TRPM4: variants seen among roughly 807,000 people sequenced by gnomAD.
The protein encoded by TRPM4 is calcium-activated non-selective cation channel 1.
A neutral mutation model predicts 135.6 loss-of-function variants in TRPM4; 124 were observed. The ratio of observed to expected loss-of-function variants is 0.91; its 90% CI spans 0.79 to 1.06. The LOEUF (loss-of-function observed/expected upper bound fraction) is 1.06. Ranked by LOEUF, TRPM4 falls within the 50% of genes least tolerant of loss-of-function variation. TRPM4 has a pLI of 0.00. For missense variants in TRPM4, 1,658 were observed against 1,671.4 expected (o/e 0.99, Z 0.14); for synonymous variants, 745 against 705.6 (o/e 1.06, Z -0.88).
chr19:49,164,450 C>T (rs570053910), intron 2 of TRPM4, among the ~76,000 whole-genome samples: 1 of 123,428 alleles, frequency 8.1e-6, no homozygotes, highest in South Asian at 2.8e-4. Context: ...AGTGTGATGG[C>T]TCACTGCAAC....
At chr19:49,165,230 A>G (rs1205044091) in intron 2 of TRPM4, among the ~76,000 whole-genome samples, 1 of 152,102 alleles carries the variant, frequency 6.6e-6, no homozygotes, top group African/African-American at 2.4e-5. Flanking sequence ...ACAGAAGCCA[A>G]AGACAATGAA....
In TRPM4 at chr19:49,182,856, G is replaced by A; in HGVS notation, c.1542G>A (p.Met514Ile). ...GHVLRMLLGK[M>I]CAPRYPSGGA... ...TGCTGAGGATGCTGCTGGGGAAGATGTGCGCGCCGAGGTACCCCTCCGGGG... is the reference window on the plus strand; with the variant it reads ...TGCTGAGGATGCTGCTGGGGAAGATATGCGCGCCGAGGTACCCCTCCGGGG... The change falls in exon 11 of 25, where the codon ATG becomes ATA. Residue 514 changes from methionine (M) to isoleucine (I), a missense_variant. Coordinates refer to ENST00000252826, the MANE Select transcript of TRPM4 (RefSeq NM_017636.4). 2 of 1,610,992 alleles carry A rather than the reference G, an allele frequency of 1.2e-6. No homozygotes were observed. Among genetic ancestry groups the A allele is most frequent in the Non-Finnish European group, 1.7e-6 (2 of 1,178,568 alleles).
At chr19:49,168,524 A>G in intron 5 of TRPM4, 29 bp from the exon 6 acceptor site, 2 of 1,613,462 alleles carry the variant, frequency 1.2e-6, no homozygotes, top group Non-Finnish European at 1.7e-6. Context: ...CGATGAGGAG[A>G]CGCCCTGGTC....
chr19:49,177,838 C>G (rs1032662709), intron 9 of TRPM4, among the ~76,000 whole-genome samples: 3 of 152,188 alleles, frequency 2.0e-5, no homozygotes, highest in Non-Finnish European at 2.9e-5. Flanking sequence ...GTATAATTCT[C>G]AAGCCCATTG....
At chr19:49,209,350 ATTC>A (rs1287367145) in intron 20 of TRPM4, among the ~76,000 whole-genome samples, 1 of 152,174 alleles carries the variant, frequency 6.6e-6, no homozygotes, top group East Asian at 1.9e-4. Flanking sequence ...TGTTATTATA[ATTC>A]TTCTTTAAAT....
intron 6 of TRPM4, 122 bp downstream of exon 6, chr19:49,168,858 C>A: frequency 9.2e-7 from 1 of 1,088,786 alleles, no homozygotes. Flanking sequence ...GTGTCTTTCC[C>A]CGTCATTATT....
At chr19:49,165,985 AG>A in intron 2 of TRPM4, 55 bp from the exon 3 acceptor site, 1 of 1,523,884 alleles carries the variant, frequency 6.6e-7, no homozygotes, top group African/African-American at 1.4e-5. Flanking sequence ...ACACGCTGAC[AG>A]GGTGCTGGGG....
Position 49,171,344 on chromosome 19 carries a change from C to T in TRPM4, c.797-13C>T. 1 of 1,614,194 alleles carries T rather than the reference C, an allele frequency of 6.2e-7. No homozygotes were observed. The highest frequency in any genetic ancestry group is 8.5e-7 in the Non-Finnish European group (1 of 1,180,038). On this transcript the variant is annotated splice_polypyrimidine_tract_variant and intron_variant, in intron 6 of 24. Coordinates refer to ENST00000252826, the MANE Select transcript of TRPM4 (RefSeq NM_017636.4). The surrounding 1 kb of genome is among the most constrained non-coding windows in gnomAD (Gnocchi z 4.7). ...ATGGGAGGTAATCAAGCCCCCTTCT[C>T]TTCTTGCCTCAGGGACTGGAATTGA...
chr19:49,158,322 T>A, intron 2 of TRPM4, 63 bp downstream of exon 2: 1 of 1,489,962 alleles, frequency 6.7e-7, no homozygotes, highest in Non-Finnish European at 9.4e-7. Context: ...CGCCCGCGGA[T>A]GGTCACGCCC....
intron 10 of TRPM4, 44 bp downstream of exon 10, chr19:49,181,505 C>G: frequency 1.7e-6 from 2 of 1,186,428 alleles, no homozygotes; most frequent in East Asian, 2.4e-5. Context: ...GACAAAGGGA[C>G]TGTGCTGTCC....
intron 9 of TRPM4, among the ~76,000 whole-genome samples, chr19:49,177,015 C>T (rs993445629): frequency 2.0e-5 from 3 of 152,004 alleles, no homozygotes; most frequent in Non-Finnish European, 2.9e-5. Flanking sequence ...GAGTTGTGCC[C>T]GGTCCCGGTG....
rs373649726 is a variant in TRPM4, at chr19:49,171,546, C to A, written c.859-32C>A. ...AGGGTGAATATCCTGCCTTTTCTGA[C>A]GTGATGAATAAAGAATGCCTTTATC... On this transcript the variant is annotated intron_variant, in intron 7 of 24. Transcript: ENST00000252826. This position sits in a 1 kb window ranked among gnomAD's most constrained non-coding sequence, Gnocchi z 4.7. The A allele has an allele frequency of 6.2e-7, 1 of 1,613,254 alleles. No individual in the cohort carries two copies. The highest frequency in any genetic ancestry group is 8.5e-7 in the Non-Finnish European group (1 of 1,179,522).
rs532705997 is a variant in TRPM4, at chr19:49,201,011, T to C, written c.2953+226T>C. 1.1e-4 allele frequency among the ~76,000 whole-genome samples: 16 copies of C among 150,748 alleles called. No homozygotes were observed. The South Asian group carries it at 3.1e-3, about 30-fold the overall frequency. ...TGTCTTTCTTTTTTCTTTTTTTTTT[T>C]CTTTTTTTTTGAGATGGATGTTAGA... is the stretch of plus-strand genomic sequence containing the variant. On this transcript the variant is annotated intron_variant, in intron 19 of 24. Transcript: ENST00000252826.
chr19:49,198,086 G>A (rs1192552370), intron 17 of TRPM4, among the ~76,000 whole-genome samples: 1 of 152,040 alleles, frequency 6.6e-6, no homozygotes, highest in African/African-American at 2.4e-5. Context: ...CAGTAGACAC[G>A]CTGAGAGGCA....
chr19:49,163,002 T>A (rs972885719), intron 2 of TRPM4, among the ~76,000 whole-genome samples: 1 of 151,754 alleles, frequency 6.6e-6, no homozygotes, highest in Admixed American at 6.6e-5. Context: ...CCTCAGGTGA[T>A]CCGCCCACCT....
chr19:49,167,067 C>G (rs1555751276), intron 3 of TRPM4, among the ~76,000 whole-genome samples: 1 of 147,730 alleles, frequency 6.8e-6, no homozygotes, highest in Non-Finnish European at 1.5e-5. Context: ...GGTTTCTGTC[C>G]CCATCTCTCT....
chr19:49,210,786 A>T lies in TRPM4; in HGVS notation c.3405A>T (p.Ala1135=). The change falls in exon 22 of 25, where the codon GCA becomes GCT. Residue 1135 remains alanine (A), a synonymous_variant. Coordinates refer to ENST00000252826, the MANE Select transcript of TRPM4 (RefSeq NM_017636.4). This position sits in a 1 kb window ranked among gnomAD's most constrained non-coding sequence, Gnocchi z 4.1. Reference sequence around the variant, plus strand: ...TGCATAAGGAGAACTTTCTGCTGGCACGCGCTAGGGACAAGCGGGAGAGCG... The same window carrying T: ...TGCATAAGGAGAACTTTCTGCTGGCTCGCGCTAGGGACAAGCGGGAGAGCG... The part of the protein sequence containing the change: ...ESVHKENFLL[A]RARDKRESDS... 6.2e-7 allele frequency: 1 copy of T among 1,613,956 alleles called. No individual in the cohort carries two copies. The highest frequency in any genetic ancestry group is 8.5e-7 in the Non-Finnish European group (1 of 1,180,002).
At chr19:49,161,147 A>C (rs1337915391) in intron 2 of TRPM4, among the ~76,000 whole-genome samples, 3 of 152,002 alleles carry the variant, frequency 2.0e-5, no homozygotes, top group Non-Finnish European at 4.4e-5. Context: ...AGAATCTGAG[A>C]GGTCCGAGTT....
rs893456469 is a variant in TRPM4, at chr19:49,158,197, G to T, written c.30G>T (p.Trp10Cys). The change falls in exon 2 of 25, where the codon TGG becomes TGT. Residue 10 changes from tryptophan (W) to cysteine (C), a missense_variant. Trp to Cys is a radical substitution (Grantham distance 215). Around this residue, in one of 3 missense-constraint regions of TRPM4, gnomAD observed 239 missense variants for 240.1 expected, o/e 1.00. Transcript: ENST00000252826. MVVPEKEQS[W>C]IPKIFKKKTC... Reference sequence around the variant, plus strand: ...ACATTTGTTCCTGTCCCCAGAGCTGGATCCCCAAGATCTTCAAGAAGAAGA... The same window carrying T: ...ACATTTGTTCCTGTCCCCAGAGCTGTATCCCCAAGATCTTCAAGAAGAAGA... The T allele has an allele frequency of 6.2e-7, 1 of 1,613,876 alleles. No homozygotes were observed. The highest frequency in any genetic ancestry group is 8.5e-7 in the Non-Finnish European group (1 of 1,179,942).
Sources: allele counts gnomAD v4.1 joint callset (sites outside exome capture counted in the v4.1 genomes callset), GRCh38; gene constraint gnomAD v4.1.1; regional missense constraint gnomAD v4.1.1; non-coding constraint Gnocchi (gnomAD v3.1); transcripts MANE v1.5; gene names NCBI Gene and HGNC (gene_info 2026-07-23, HGNC 2026-07-21).